Variants in TSPAN9 observed in about 807,000 individuals in gnomAD.
The protein encoded by TSPAN9 is tetraspanin 9.
TSPAN9 carries 16 observed loss-of-function variants against 31.0 expected under a neutral mutation model. The ratio of observed to expected loss-of-function variants is 0.52; its 90% confidence interval spans 0.35 to 0.78. TSPAN9 has a LOEUF of 0.78. Among genes scored for constraint, TSPAN9 ranks in the 30% least tolerant of loss-of-function variants. The pLI is 0.01. For missense variants in TSPAN9, 272 were observed against 312.5 expected (o/e 0.87, Z 0.98); for synonymous variants, 145 against 121.6 (o/e 1.19, Z -1.27).
chr12:3,231,556 C>A (rs2098390776), intron 3 of TSPAN9, among the ~76,000 whole-genome samples: 1 of 152,242 alleles, frequency 6.6e-6, no homozygotes, highest in African/African-American at 2.4e-5. Context: ...ATGCCCCATG[C>A]CAGCCCACCC....
At chr12:3,079,648 G>C (rs1160463233) in intron 1 of TSPAN9, among the ~76,000 whole-genome samples, 1 of 152,002 alleles carries the variant, frequency 6.6e-6, no homozygotes, top group Middle Eastern at 3.2e-3. Context: ...TTTTAGTAGA[G>C]ATGGAGTTTC....
intron 3 of TSPAN9, among the ~76,000 whole-genome samples, chr12:3,274,140 C>G (rs1862738729): frequency 6.6e-6 from 1 of 152,180 alleles, no homozygotes; most frequent in Admixed American, 6.5e-5. Flanking sequence ...GGCAGCACCC[C>G]TGGCCTCTAC....
At chr12:3,255,291 G>A (rs1565633799) in intron 3 of TSPAN9, among the ~76,000 whole-genome samples, 1 of 152,228 alleles carries the variant, frequency 6.6e-6, no homozygotes, top group Non-Finnish European at 1.5e-5. Context: ...ACTGTGGCAT[G>A]TGGACCCTTC....
intron 3 of TSPAN9, among the ~76,000 whole-genome samples, chr12:3,238,459 G>A (rs79901044): frequency 0.093 from 14,097 of 152,258 alleles, 803 homozygotes; most frequent in Non-Finnish European, 0.13. Flanking sequence ...GATGCCCTTC[G>A]TGAATGTCAT....
chr12:3,185,051 C>T (rs1014119861), intron 2 of TSPAN9, among the ~76,000 whole-genome samples: 5 of 152,142 alleles, frequency 3.3e-5, no homozygotes, highest in South Asian at 2.1e-4. Context: ...CAGATAATAA[C>T]GAGGCTCATG....
At chr12:3,247,663 A>G (rs1222758750) in intron 3 of TSPAN9, among the ~76,000 whole-genome samples, 1 of 152,088 alleles carries the variant, frequency 6.6e-6, no homozygotes, top group South Asian at 2.1e-4. Context: ...GACGTTGGCC[A>G]TCTGGTTTTG....
chr12:3,211,094 G>T (rs1177965484), intron 3 of TSPAN9, among the ~76,000 whole-genome samples: 1 of 151,390 alleles, frequency 6.6e-6, no homozygotes. Flanking sequence ...AACATAATCA[G>T]TGCCTGTGAA....
At chr12:3,113,092 A>G (rs868148136) in intron 2 of TSPAN9, among the ~76,000 whole-genome samples, 1 of 152,354 alleles carries the variant, frequency 6.6e-6, no homozygotes, top group Middle Eastern at 3.4e-3. Flanking sequence ...ATGTCAGGTC[A>G]TAGTGCTGGG....
chr12:3,183,831 G>C (rs923052941), intron 2 of TSPAN9, among the ~76,000 whole-genome samples: 1 of 152,160 alleles, frequency 6.6e-6, no homozygotes, highest in Non-Finnish European at 1.5e-5. Flanking sequence ...CCTCAGGTGT[G>C]TGCCACTTCA....
At chr12:3,251,829 G>A (rs1862248184) in intron 3 of TSPAN9, among the ~76,000 whole-genome samples, 1 of 152,144 alleles carries the variant, frequency 6.6e-6, no homozygotes, top group African/African-American at 2.4e-5. Context: ...GCTGGAAAGG[G>A]GACCCGGCTC....
chr12:3,226,767 TATATATATATATATATATATATA>T lies in TSPAN9; in HGVS notation c.63+25512_63+25534del, dbSNP rs1565622527. On this transcript the variant is annotated intron_variant, in intron 3 of 8. Coordinates refer to ENST00000011898, the MANE Select transcript of TSPAN9 (RefSeq NM_006675.5). Reference sequence around the variant, plus strand: ...GTGTATATATATATATATATATATATATATATATATATATATATATATATATATTTTTTTTTTTTTTTCCCTCT... The same window carrying T: ...GTGTATATATATATATATATATATATTATATTTTTTTTTTTTTTTCCCTCT... 7.0e-3 allele frequency among the ~76,000 whole-genome samples: 23 copies of T among 3,286 alleles called. 3 individuals are homozygous for T. The highest frequency in any genetic ancestry group is 0.034 in the South Asian group (2 of 58). 2.2% of individuals were successfully genotyped at this position (3,286 alleles called of 152,430 possible). A position where few individuals can be genotyped will look rare whatever the true frequency, so the allele number is the denominator to read the frequency against.
chr12:3,119,047 A>G (rs901329388), intron 2 of TSPAN9, among the ~76,000 whole-genome samples: 10 of 152,172 alleles, frequency 6.6e-5, no homozygotes, highest in African/African-American at 2.4e-4. Context: ...CAGCAGATGC[A>G]ACCCCTTGGG....
intron 2 of TSPAN9, 160 bp from the exon 3 acceptor site, chr12:3,201,017 C>G: frequency 1.6e-6 from 1 of 629,600 alleles, no homozygotes; most frequent in Non-Finnish European, 2.8e-6. Context: ...CTCCGGCCGC[C>G]CGTTCGGCCG....
At chr12:3,245,672 G>A (rs895647079) in intron 3 of TSPAN9, among the ~76,000 whole-genome samples, 1 of 152,190 alleles carries the variant, frequency 6.6e-6, no homozygotes, top group African/African-American at 2.4e-5. Context: ...GGTGGTGGAG[G>A]CATTTGGCTG....
chr12:3,252,816 C>T (rs1460929024), intron 3 of TSPAN9, among the ~76,000 whole-genome samples: 9 of 152,272 alleles, frequency 5.9e-5, no homozygotes, highest in Admixed American at 1.3e-4. Context: ...GCTGAGTGAG[C>T]GGGCTGCTGG....
At chr12:3,213,354 C>G (rs530232465) in intron 3 of TSPAN9, among the ~76,000 whole-genome samples, 1 of 152,194 alleles carries the variant, frequency 6.6e-6, no homozygotes. Flanking sequence ...GGGCTTCCCC[C>G]GCTTGTTGGC....
At chr12:3,265,787 A>C (rs952579005) in intron 3 of TSPAN9, among the ~76,000 whole-genome samples, 2 of 152,208 alleles carry the variant, frequency 1.3e-5, no homozygotes, top group African/African-American at 4.8e-5. Flanking sequence ...GATCTTTCTC[A>C]GGTCTGTAGG....
chr12:3,273,339 G>A (rs1862720398), intron 3 of TSPAN9: 1 of 152,258 alleles, frequency 6.6e-6, no homozygotes, highest in African/African-American at 2.4e-5. Context: ...CTGGGGAAGG[G>A]GCAGGGGAGG....
intron 2 of TSPAN9, among the ~76,000 whole-genome samples, chr12:3,089,964 A>G (rs994609799): frequency 1.2e-4 from 18 of 152,162 alleles, no homozygotes; most frequent in African/African-American, 4.1e-4. Flanking sequence ...CAAAATAATA[A>G]AAACTCATTA....
Sources: allele counts gnomAD v4.1 joint callset (sites outside exome capture counted in the v4.1 genomes callset), GRCh38; gene constraint gnomAD v4.1.1; transcripts MANE v1.5; gene names NCBI Gene and HGNC (gene_info 2026-07-23, HGNC 2026-07-21).